KCND2: variants seen among roughly 807,000 people sequenced by gnomAD.
The protein encoded by KCND2 is potassium voltage-gated channel subfamily D member 2.
KCND2 carries 16 observed loss-of-function variants against 54.4 expected under a neutral mutation model. That is an observed-to-expected ratio of 0.29 (90% CI 0.20 to 0.45). The LOEUF (loss-of-function observed/expected upper bound fraction) is 0.45. Ranked by LOEUF, KCND2 falls within the 20% of genes least tolerant of loss-of-function variation. The probability of loss-of-function intolerance (pLI) is 1.00; values close to 1 mark genes in which losing one functional copy is unlikely to be tolerated. For missense variants in KCND2, 486 were observed against 824.2 expected, an observed-to-expected ratio of 0.59 and a Z score of 5.02; for synonymous variants, 317 against 310.7, an observed-to-expected ratio of 1.02 and a Z score of -0.21.
At chr7:120,576,991 C>CA (rs1402135864) in intron 1 of KCND2, among the ~76,000 whole-genome samples, 1 of 151,956 alleles carries the variant, frequency 6.6e-6, no homozygotes, top group Non-Finnish European at 1.5e-5. Context: ...TACTAAAATA[C>CA]AAAAAATTTG....
intron 1 of KCND2, among the ~76,000 whole-genome samples, chr7:120,283,193 C>T (rs753376986): frequency 2.4e-4 from 36 of 152,122 alleles, no homozygotes; most frequent in Non-Finnish European, 4.4e-4. Flanking sequence ...TTCATCAATT[C>T]TATCTAATGT....
chr7:120,312,829 A>G (rs1409217984), intron 1 of KCND2, among the ~76,000 whole-genome samples: 1 of 152,202 alleles, frequency 6.6e-6, no homozygotes, highest in Non-Finnish European at 1.5e-5. Context: ...ATACAGGTGG[A>G]TTAATGGGTA....
chr7:120,606,181 C>T (rs2116479868), intron 1 of KCND2, among the ~76,000 whole-genome samples: 1 of 152,298 alleles, frequency 6.6e-6, no homozygotes, highest in East Asian at 1.9e-4. Flanking sequence ...ATTACCCATT[C>T]TCAAGTGGCA....
chr7:120,582,596 C>A (rs1467698000), intron 1 of KCND2, among the ~76,000 whole-genome samples: 2 of 152,118 alleles, frequency 1.3e-5, no homozygotes, highest in African/African-American at 4.8e-5. Context: ...ACTCTGACTA[C>A]CCCTCCTCTG....
intron 1 of KCND2, among the ~76,000 whole-genome samples, chr7:120,618,281 TA>T (rs1275521258): frequency 1.8e-4 from 26 of 143,350 alleles, no homozygotes; most frequent in Non-Finnish European, 3.5e-4. Context: ...TACACACCTG[TA>T]TACAAAAATA....
chr7:120,739,168 T>C (rs943909794), intron 2 of KCND2, among the ~76,000 whole-genome samples: 1 of 152,026 alleles, frequency 6.6e-6, no homozygotes, highest in Admixed American at 6.6e-5. Context: ...TTAATGTATA[T>C]GTTTTCTTAA....
At chr7:120,451,049 C>G (rs998647970) in intron 1 of KCND2, among the ~76,000 whole-genome samples, 1 of 152,112 alleles carries the variant, frequency 6.6e-6, no homozygotes, top group Non-Finnish European at 1.5e-5. Context: ...TTCCTTCTGT[C>G]TATTGATTCT....
intron 1 of KCND2, among the ~76,000 whole-genome samples, chr7:120,477,647 A>G (rs892515563): frequency 6.6e-6 from 1 of 152,116 alleles, no homozygotes; most frequent in African/African-American, 2.4e-5. Context: ...GGATGAAAAA[A>G]AAGAAGAGGG....
intron 1 of KCND2, among the ~76,000 whole-genome samples, chr7:120,696,827 G>A (rs994150993): frequency 6.6e-6 from 1 of 152,126 alleles, no homozygotes; most frequent in Non-Finnish European, 1.5e-5. Flanking sequence ...CCAGCCTTCA[G>A]CATCAGGAGC....
intron 1 of KCND2, among the ~76,000 whole-genome samples, chr7:120,530,928 A>T (rs1479507488): frequency 6.6e-6 from 1 of 152,040 alleles, no homozygotes; most frequent in Admixed American, 6.6e-5. Flanking sequence ...TCATTATAAT[A>T]CTTCCTGGTG....
At chr7:120,656,627 T>C (rs538173635) in intron 1 of KCND2, among the ~76,000 whole-genome samples, 94 of 152,366 alleles carry the variant, frequency 6.2e-4, no homozygotes, top group Middle Eastern at 6.8e-3. Context: ...ACTCAAGTGA[T>C]ATTTATCTAT....
At chr7:120,576,677 C>T (rs1276049843) in intron 1 of KCND2, among the ~76,000 whole-genome samples, 1 of 151,826 alleles carries the variant, frequency 6.6e-6, no homozygotes, top group African/African-American at 2.4e-5. Context: ...CTGTTTTCTT[C>T]ATTCTTCCAA....
intron 1 of KCND2, among the ~76,000 whole-genome samples, chr7:120,675,382 G>A (rs1429719671): frequency 6.6e-6 from 1 of 151,732 alleles, no homozygotes; most frequent in Non-Finnish European, 1.5e-5. Context: ...GCACCACCAT[G>A]CCCAGCTAAT....
chr7:120,294,714 CAT>C (rs1231679642), intron 1 of KCND2, among the ~76,000 whole-genome samples: 1 of 151,780 alleles, frequency 6.6e-6, no homozygotes, highest in Admixed American at 6.6e-5. Context: ...ATTAATGTGA[CAT>C]AGATTTGAAG....
At chr7:120,454,594 A>G (rs1388541730) in intron 1 of KCND2, among the ~76,000 whole-genome samples, 6 of 152,190 alleles carry the variant, frequency 3.9e-5, no homozygotes, top group Non-Finnish European at 8.8e-5. Flanking sequence ...TTCGGACCAG[A>G]TGGATTCACT....
chr7:120,572,601 T>TC (rs2116428503), intron 1 of KCND2, among the ~76,000 whole-genome samples: 1 of 152,266 alleles, frequency 6.6e-6, no homozygotes, highest in South Asian at 2.1e-4. Flanking sequence ...CACTGCAACC[T>TC]CCAACTCCCA....
chr7:120,418,117 C>G (rs1325767331), intron 1 of KCND2, among the ~76,000 whole-genome samples: 1 of 152,082 alleles, frequency 6.6e-6, no homozygotes, highest in African/African-American at 2.4e-5. Context: ...TGGTTTCTAC[C>G]TCAGTTGTGA....
rs1334541909 is a variant in KCND2, at chr7:120,665,047, A to G, written c.1116-67856A>G. Reference sequence around the variant, plus strand: ...CCACGATGATGTGGTTTACTTAACCAGATTTTAAAACCCAGGGACCCAAAA... The same window carrying G: ...CCACGATGATGTGGTTTACTTAACCGGATTTTAAAACCCAGGGACCCAAAA... On this transcript the variant is annotated intron_variant, in intron 1 of 5. Transcript: ENST00000331113. 2.0e-5 allele frequency among the ~76,000 whole-genome samples: 3 copies of G among 152,064 alleles called. No homozygotes were observed. The East Asian group carries it at 5.8e-4, about 29-fold the overall frequency.
intron 1 of KCND2, among the ~76,000 whole-genome samples, chr7:120,414,261 T>A (rs978246578): frequency 6.6e-6 from 1 of 152,192 alleles, no homozygotes; most frequent in Non-Finnish European, 1.5e-5. Context: ...ATACTCTATA[T>A]TTGAAAAGAG....
Sources: allele counts gnomAD v4.1 joint callset (sites outside exome capture counted in the v4.1 genomes callset), GRCh38; gene constraint gnomAD v4.1.1; transcripts MANE v1.5; gene names NCBI Gene and HGNC (gene_info 2026-07-23, HGNC 2026-07-21).